The following DDX42 variants were observed in gnomAD, a reference collection of about 807,000 sequenced individuals.
DDX42 encodes DEAD-box helicase 42, also known as ATP-dependent RNA helicase DDX42.
A neutral mutation model predicts 101.5 loss-of-function variants in DDX42; 22 were observed. The ratio of observed to expected loss-of-function variants is 0.22; its 90% CI spans 0.15 to 0.31. The LOEUF (loss-of-function observed/expected upper bound fraction) is 0.31. DDX42 is among the 10% of genes least tolerant of loss of function. The pLI, the probability that DDX42 is intolerant of heterozygous loss-of-function variation, is 1.00. For synonymous variants in DDX42, 402 were observed against 401.2 expected (o/e 1.00, Z -0.02); for missense variants, 849 against 1,199.9 (o/e 0.71, Z 4.32).
At chr17:63,805,237 T>C (rs1246827734) in intron 7 of DDX42, 62 bp downstream of exon 7, 9 of 1,567,156 alleles carry the variant, frequency 5.7e-6, no homozygotes, top group South Asian at 4.7e-5. Flanking sequence ...TTTAGTATTA[T>C]TGGTTATCTA....
chr17:63,786,399 C>T (rs2039547854), intron 1 of DDX42, among the ~76,000 whole-genome samples: 2 of 152,198 alleles, frequency 1.3e-5, no homozygotes, highest in Admixed American at 6.5e-5. Flanking sequence ...AAATGAATCT[C>T]TTAATGAGAT....
chr17:63,787,941 G>T (rs1043527745), intron 2 of DDX42, among the ~76,000 whole-genome samples: 7 of 130,302 alleles, frequency 5.4e-5, no homozygotes, highest in African/African-American at 2.0e-4. Flanking sequence ...AGTTTTGCTC[G>T]TCACCCAGGC....
intron 10 of DDX42, 117 bp from the exon 11 acceptor site, chr17:63,809,443 A>G: frequency 2.7e-6 from 2 of 739,580 alleles, no homozygotes; most frequent in Non-Finnish European, 2.3e-6. Flanking sequence ...CTGTTGGACC[A>G]GTATCTATTA....
At chr17:63,781,700 A>G (rs1195853830) in intron 1 of DDX42, among the ~76,000 whole-genome samples, 2 of 151,496 alleles carry the variant, frequency 1.3e-5, no homozygotes, top group Non-Finnish European at 2.9e-5. Flanking sequence ...ATTCCTAAAT[A>G]GTGATATATG....
At chr17:63,812,986 C>T (rs748812651) in intron 14 of DDX42, among the ~76,000 whole-genome samples, 10 of 152,162 alleles carry the variant, frequency 6.6e-5, no homozygotes, top group Non-Finnish European at 1.3e-4. Context: ...GATCATGGCA[C>T]TGCACTCCCG....
Position 63,799,639 on chromosome 17 carries a change from C to T in DDX42, c.471+14C>T. On this transcript the variant is annotated intron_variant, in intron 5 of 17. Transcript: ENST00000389924. ...GAAGATGACCAAGTGAGTTCCTATG[C>T]AGTATTTCTATCTTTTATTTTTATC... The T allele has an allele frequency of 1.2e-6, 2 of 1,611,052 alleles. No homozygotes were observed. Among genetic ancestry groups the T allele is most frequent in the Middle Eastern group, 1.7e-4 (1 of 6,044 alleles).
intron 2 of DDX42, among the ~76,000 whole-genome samples, chr17:63,791,852 C>T (rs1475267761): frequency 1.3e-5 from 2 of 151,972 alleles, no homozygotes; most frequent in Non-Finnish European, 2.9e-5. Flanking sequence ...TCGAGACCAG[C>T]CTGGCCAACA....
chr17:63,775,053 TTTTC>T (rs1180321642), intron 1 of DDX42: 1 of 152,646 alleles, frequency 6.6e-6, no homozygotes, highest in African/African-American at 2.4e-5. Context: ...CTTCCCTGTG[TTTTC>T]TTTTTGTCAA....
Position 63,817,709 on chromosome 17 carries a change from C to A in DDX42, c.2128C>A (p.His710Asn). 1 of 1,614,134 alleles carries A rather than the reference C, an allele frequency of 6.2e-7. No individual in the cohort carries two copies. The highest frequency in any genetic ancestry group is 1.1e-5 in the South Asian group (1 of 91,032). Reference sequence around the variant, plus strand: ...TCTCTTTCAGTCACAGTACAAGAGTCACTTTGTTGCAGCCAGTTTAAGTAA... The same window carrying A: ...TCTCTTTCAGTCACAGTACAAGAGTAACTTTGTTGCAGCCAGTTTAAGTAA... ...KAAFQSQYKS[H>N]FVAASLSNQK... The change falls in exon 18 of 18, where the codon CAC (histidine) becomes AAC (asparagine). Residue 710 changes from histidine (H) to asparagine (N), a missense_variant. His to Asn is a moderately conservative substitution (Grantham distance 68). Transcript: ENST00000389924.
chr17:63,777,985 G>A (rs1379774287), intron 1 of DDX42, among the ~76,000 whole-genome samples: 1 of 152,160 alleles, frequency 6.6e-6, no homozygotes, highest in African/African-American at 2.4e-5. Context: ...ATGCCACAAT[G>A]GAGGGTCTCA....
At chr17:63,806,486 T>C in intron 7 of DDX42, 49 bp from the exon 8 acceptor site, 1 of 1,562,364 alleles carries the variant, frequency 6.4e-7, no homozygotes, top group Non-Finnish European at 8.7e-7. Flanking sequence ...CTTCAAATGC[T>C]GTTAATGTTG....
chr17:63,818,071 T>TA lies in DDX42; in HGVS notation c.2491dup (p.Ser831LysfsTer25). ...GAGAGACTGGCAATCGGCATAGCGATAGTCCACGTCACGGAGATGGTGGTC... is the reference window on the plus strand; with the variant it reads ...GAGAGACTGGCAATCGGCATAGCGATAAGTCCACGTCACGGAGATGGTGGTC... On this transcript the variant is annotated frameshift_variant, in exon 18 of 18. Coordinates refer to ENST00000389924, the MANE Select transcript of DDX42 (RefSeq NM_203499.3). LOFTEE classifies it high-confidence loss of function. 6.2e-7 allele frequency: 1 copy of TA among 1,613,860 alleles called. No individual in the cohort carries two copies. Among genetic ancestry groups the TA allele is most frequent in the Non-Finnish European group, 8.5e-7 (1 of 1,179,984 alleles).
intron 16 of DDX42, 108 bp downstream of exon 16, chr17:63,815,781 G>GC (rs1370874416): frequency 1.6e-5 from 10 of 636,940 alleles, no homozygotes; most frequent in Non-Finnish European, 2.6e-5. Flanking sequence ...TTAAAGCCCT[G>GC]TCTAGAAGGG....
At position 63,817,923 on chromosome 17, in the gene DDX42, C is replaced by T. The variant is rs1232451639; in HGVS notation, c.2342C>T (p.Ser781Phe). Residue 781 changes from serine to phenylalanine, a missense_variant, in exon 18 of 18, where the codon TCT becomes TTT. Transcript: ENST00000389924. ...AGTGGTGCCCCTGTGACCTACCCGT[C>T]TGCCGGAGCCCAAGGAGTCAACAAC... ...NISGAPVTYPSAGAQGVNNTA... is the reference protein window; with the variant it reads ...NISGAPVTYPFAGAQGVNNTA... The T allele has an allele frequency of 6.2e-7, 1 of 1,614,222 alleles. No individual in the cohort carries two copies. Among genetic ancestry groups the T allele is most frequent in the Admixed American group, 1.7e-5 (1 of 60,036 alleles).
chr17:63,783,530 T>C (rs553781395), intron 1 of DDX42, among the ~76,000 whole-genome samples: 1 of 152,310 alleles, frequency 6.6e-6, no homozygotes, highest in Non-Finnish European at 1.5e-5. Context: ...GAAATTTTCT[T>C]GCTTGTAAAG....
chr17:63,797,548 C>T (rs1490139003), intron 3 of DDX42, among the ~76,000 whole-genome samples: 2 of 152,062 alleles, frequency 1.3e-5, no homozygotes, highest in African/African-American at 4.8e-5. Context: ...AGCCATCCTC[C>T]GCCTCTAGAA....
chr17:63,802,526 G>A (rs1015586892), intron 6 of DDX42, among the ~76,000 whole-genome samples: 16 of 152,332 alleles, frequency 1.1e-4, no homozygotes, highest in Middle Eastern at 3.4e-3. Flanking sequence ...TCAACACTTT[G>A]GGAGGCTGAG....
chr17:63,805,394 A>T (rs993478700), intron 7 of DDX42: 2 of 526,072 alleles, frequency 3.8e-6, no homozygotes, highest in Non-Finnish European at 6.2e-6. Flanking sequence ...CTTGTTTCAT[A>T]TTTCAGTCAG....
chr17:63,817,983 G>T lies in DDX42; in HGVS notation c.2402G>T (p.Gly801Val), dbSNP rs763607096. The T allele has an allele frequency of 1.9e-6, 3 of 1,614,182 alleles. No individual in the cohort carries two copies. ...ASGNNSREGT[G>V]GSNGKRERYT... ...GGGAATAACAGCCGAGAAGGGACTG[G>T]GGGCAGCAACGGGAAAAGAGAGAGA... is the stretch of plus-strand genomic sequence containing the variant. Residue 801 changes from glycine (G) to valine (V), a missense_variant, in exon 18 of 18, where the codon GGG (glycine) becomes GTG (valine). Gly to Val is a moderately radical substitution (Grantham distance 109). Coordinates refer to ENST00000389924, the MANE Select transcript of DDX42 (RefSeq NM_203499.3).
Sources: gnomAD v4.1 joint callset for allele counts (sites outside exome capture counted in the v4.1 genomes callset) on GRCh38, gnomAD v4.1.1 for gene constraint, MANE v1.5 for transcripts, NCBI Gene and HGNC (gene_info 2026-07-23, HGNC 2026-07-21) for gene names.